SLC13A2: variants seen among roughly 807,000 people sequenced by gnomAD.
The protein encoded by SLC13A2 is Na(+)-coupled citrate transporter.
Under a neutral mutation model 58.5 loss-of-function variants are expected in SLC13A2, and 40 were observed. That is an observed-to-expected ratio of 0.68 (90% CI 0.53 to 0.89). SLC13A2 has a LOEUF of 0.89. Ranked by LOEUF, SLC13A2 falls within the 40% of genes least tolerant of loss-of-function variation. SLC13A2 has a pLI of 0.00. For missense variants in SLC13A2, 694 were observed against 772.6 expected (o/e 0.90, Z 1.21); for synonymous variants, 341 against 331.6 (o/e 1.03, Z -0.31).
intron 1 of SLC13A2, among the ~76,000 whole-genome samples, chr17:28,483,475 A>AC (rs1555601465): frequency 6.6e-6 from 1 of 152,104 alleles, no homozygotes; most frequent in East Asian, 1.9e-4. Context: ...CAAAAAAAAA[A>AC]AAATTGTTTT....
At position 28,493,610 on chromosome 17, in the gene SLC13A2, G is replaced by A. The variant is rs2069073002; in HGVS notation, c.918G>A (p.Glu306=). 6.2e-7 allele frequency: 1 copy of A among 1,610,568 alleles called. No homozygotes were observed. The highest frequency in any genetic ancestry group is 8.5e-7 in the Non-Finnish European group (1 of 1,177,154). Residue 306 remains glutamate, a synonymous_variant, in exon 7 of 12, where the codon GAG becomes GAA. Transcript: ENST00000314669. ...KNFGIGEKMQ[E]QQQAAYCVIQ... is the part of the protein sequence containing the mutation. ...TTGGCATTGGGGAAAAGATGCAGGA[G>A]CAACAGCAGGCAGCCTACTGCGTCA... is the stretch of plus-strand genomic sequence containing the variant.
At position 28,497,355 on chromosome 17, in the gene SLC13A2, T is replaced by C; in HGVS notation, c.*86T>C. ...GGAGGGGACACCCCAAGCTCCAAGC[T>C]CCAAGCTCCAGGCCAAAGGCTGAAA... On this transcript the variant is annotated 3_prime_UTR_variant, in exon 12 of 12. Transcript: ENST00000314669. 7.4e-6 allele frequency: 11 copies of C among 1,476,978 alleles called. No homozygotes were observed. Among genetic ancestry groups the C allele is most frequent in the Non-Finnish European group, 1.0e-5 (11 of 1,098,578 alleles). 91.5% of individuals were successfully genotyped at this position (1,476,978 alleles called of 1,614,324 possible).
At position 28,491,870 on chromosome 17, in the gene SLC13A2, T is replaced by A. The variant is rs782622258; in HGVS notation, c.878+18T>A. ...GGCTTCAAGTAAGTGGCAAAGTTGG[T>A]GAGAGAAGCCCAGGTCCCTGCCCTT... On this transcript the variant is annotated intron_variant, in intron 6 of 11. Transcript: ENST00000314669. 1 of 1,613,240 alleles carries A rather than the reference T, an allele frequency of 6.2e-7. No individual in the cohort carries two copies. Among genetic ancestry groups the A allele is most frequent in the South Asian group, 1.1e-5 (1 of 91,036 alleles).
chr17:28,497,361 C>G lies in SLC13A2; in HGVS notation c.*92C>G, dbSNP rs1235215467. The G allele has an allele frequency of 8.3e-6, 12 of 1,450,484 alleles. No homozygotes were observed. Among genetic ancestry groups the G allele is most frequent in the Non-Finnish European group, 1.1e-5 (12 of 1,077,298 alleles). The allele number at this position is 1,450,484 out of a possible 1,614,324, so 89.9% of individuals were successfully genotyped here. A position where few individuals can be genotyped will look rare whatever the true frequency, so the allele number is the denominator to read the frequency against. ...GACACCCCAAGCTCCAAGCTCCAAG[C>G]TCCAGGCCAAAGGCTGAAAGGCACG... On this transcript the variant is annotated 3_prime_UTR_variant, in exon 12 of 12. Coordinates refer to ENST00000314669, the MANE Select transcript of SLC13A2 (RefSeq NM_003984.4).
chr17:28,494,331 T>G lies in SLC13A2; in HGVS notation c.1187-60T>G. On this transcript the variant is annotated intron_variant, in intron 8 of 11. Transcript: ENST00000314669. The surrounding 1 kb of genome is among the most constrained non-coding windows in gnomAD (Gnocchi z 4.0). ...GGGACCCACACAGGGAGCCCGCAAA[T>G]GGAGAGGGGAAAGGCCTGTTTGTTC... 6.2e-7 allele frequency: 1 copy of G among 1,613,880 alleles called. No individual in the cohort carries two copies. Among genetic ancestry groups the G allele is most frequent in the Non-Finnish European group, 8.5e-7 (1 of 1,179,958 alleles).
At position 28,497,674 on chromosome 17, in the gene SLC13A2, A is replaced by G. The variant is rs898956701; in HGVS notation, c.*405A>G. 1.7e-5 allele frequency: 3 copies of G among 172,742 alleles called. No homozygotes were observed. Among genetic ancestry groups the G allele is most frequent in the Non-Finnish European group, 2.4e-5 (2 of 81,804 alleles). The allele number at this position is 172,742 out of a possible 1,614,324, so 10.7% of individuals were successfully genotyped here. ...TAGTGACCAGACTTACTTGCACTGTATTTATTGAAATTCAGGCTTGGAGTG... is the reference window on the plus strand; with the variant it reads ...TAGTGACCAGACTTACTTGCACTGTGTTTATTGAAATTCAGGCTTGGAGTG... On this transcript the variant is annotated 3_prime_UTR_variant, in exon 12 of 12. Coordinates refer to ENST00000314669, the MANE Select transcript of SLC13A2 (RefSeq NM_003984.4).
intron 1 of SLC13A2, among the ~76,000 whole-genome samples, chr17:28,485,856 G>A (rs2068871091): frequency 1.3e-5 from 2 of 151,946 alleles, no homozygotes; most frequent in South Asian, 2.1e-4. Context: ...TTAGCTGGGC[G>A]TTGTGACACA....
chr17:28,482,710 A>T (rs187384578), intron 1 of SLC13A2, among the ~76,000 whole-genome samples: 241 of 152,278 alleles, frequency 1.6e-3, no homozygotes, highest in Non-Finnish European at 1.1e-3. Context: ...CCAAGAATGC[A>T]TCTTGATCTT....
intron 6 of SLC13A2, among the ~76,000 whole-genome samples, chr17:28,492,751 G>C (rs1322541232): frequency 1.3e-5 from 2 of 152,258 alleles, no homozygotes; most frequent in African/African-American, 4.8e-5. Flanking sequence ...GGCTCAGTTA[G>C]TATCAAGTCT....
chr17:28,494,820 G>A lies in SLC13A2; in HGVS notation c.1308+308G>A, dbSNP rs2069108341. ...CCCCAGCCCTTTGCCCGCTGCCAGAGCACACAGTAGCATCAGCACCAAAGT... is the reference window on the plus strand; with the variant it reads ...CCCCAGCCCTTTGCCCGCTGCCAGAACACACAGTAGCATCAGCACCAAAGT... On this transcript the variant is annotated intron_variant, in intron 9 of 11. Transcript: ENST00000314669. This position sits in a 1 kb window ranked among gnomAD's most constrained non-coding sequence, Gnocchi z 4.0. Among the ~76,000 whole-genome samples, 1 of 152,134 alleles carries A rather than the reference G, an allele frequency of 6.6e-6. No homozygotes were observed. Among genetic ancestry groups the A allele is most frequent in the Non-Finnish European group, 1.5e-5 (1 of 68,022 alleles).
chr17:28,474,317 T>G (rs1555599526), intron 1 of SLC13A2, among the ~76,000 whole-genome samples: 1 of 151,832 alleles, frequency 6.6e-6, no homozygotes, highest in Admixed American at 6.6e-5. Context: ...AAGGGCTAAG[T>G]CTGTGGAGGA....
At chr17:28,481,625 A>T (rs1259756407) in intron 1 of SLC13A2, among the ~76,000 whole-genome samples, 1 of 152,184 alleles carries the variant, frequency 6.6e-6, no homozygotes, top group African/African-American at 2.4e-5. Flanking sequence ...ATTGGCAATC[A>T]TCGAGCAAAT....
intron 1 of SLC13A2, among the ~76,000 whole-genome samples, chr17:28,483,186 C>T: frequency 6.6e-6 from 1 of 152,222 alleles, no homozygotes; most frequent in Non-Finnish European, 1.5e-5. Context: ...ACCTGCCACA[C>T]ACCCCGGGTC....
chr17:28,481,040 C>T (rs1236549954), intron 1 of SLC13A2, among the ~76,000 whole-genome samples: 3 of 152,302 alleles, frequency 2.0e-5, no homozygotes, highest in African/African-American at 7.2e-5. Flanking sequence ...ATTACTAAAT[C>T]GTGTCCCTGT....
chr17:28,489,479 A>C, intron 2 of SLC13A2, 137 bp downstream of exon 2: 1 of 1,036,740 alleles, frequency 9.6e-7, no homozygotes, highest in Non-Finnish European at 1.3e-6. Flanking sequence ...CTGCATGAGG[A>C]AGAAGTCAGC....
rs2069146369 is a variant in SLC13A2 at position 28,496,505 on chromosome 17, C to T, written c.1526C>T (p.Thr509Ile). 6.2e-7 allele frequency: 1 copy of T among 1,613,464 alleles called. No individual in the cohort carries two copies. The highest frequency in any genetic ancestry group is 1.3e-5 in the African/African-American group (1 of 74,926). ...GTCATGCTCCCCTGCACTCTGGCCA[C>T]CTCCCTGGCCTTCATGTTGCCTGTG... ...LYVMLPCTLA[T>I]SLAFMLPVAT... Residue 509 changes from threonine to isoleucine, a missense_variant, in exon 11 of 12, where the codon ACC becomes ATC. By Grantham distance (89) the Thr-to-Ile change is moderately conservative. Transcript: ENST00000314669. This position sits in a 1 kb window ranked among gnomAD's most constrained non-coding sequence, Gnocchi z 4.2.
intron 9 of SLC13A2, among the ~76,000 whole-genome samples, chr17:28,495,334 G>A (rs1294032878): frequency 6.6e-6 from 1 of 152,128 alleles, no homozygotes; most frequent in Non-Finnish European, 1.5e-5. Flanking sequence ...GGTTGTCCAG[G>A]GACCTCCTGA....
intron 1 of SLC13A2, among the ~76,000 whole-genome samples, chr17:28,474,020 C>A (rs782479415): frequency 1.2e-4 from 18 of 152,116 alleles, no homozygotes; most frequent in Non-Finnish European, 2.2e-4. Context: ...AGGAGCCCAG[C>A]GTGAATTACT....
Position 28,496,964 on chromosome 17 carries a change from A to T in SLC13A2, c.1609-135A>T. ...GGGGCAAAGGCATTGGCTATGCTGC[A>T]GGTTAGACCAACGGGAGGACTTCCC... On this transcript the variant is annotated intron_variant, in intron 11 of 11. Coordinates refer to ENST00000314669, the MANE Select transcript of SLC13A2 (RefSeq NM_003984.4). This position sits in a 1 kb window ranked among gnomAD's most constrained non-coding sequence, Gnocchi z 4.2. 2 of 855,722 alleles carry T rather than the reference A, an allele frequency of 2.3e-6. No homozygotes were observed. The highest frequency in any genetic ancestry group is 3.7e-6 in the Non-Finnish European group (2 of 538,948). The allele number at this position is 855,722 out of a possible 1,614,324, so 53.0% of individuals were successfully genotyped here. A position where few individuals can be genotyped will look rare whatever the true frequency, so the allele number is the denominator to read the frequency against.
Sources: gnomAD v4.1 joint callset for allele counts (sites outside exome capture counted in the v4.1 genomes callset) on GRCh38, gnomAD v4.1.1 for gene constraint, Gnocchi (gnomAD v3.1) non-coding constraint, MANE v1.5 for transcripts, NCBI Gene and HGNC (gene_info 2026-07-23, HGNC 2026-07-21) for gene names.